Variants in ANKHD1 observed in about 807,000 individuals in gnomAD.
The protein encoded by ANKHD1 is ankyrin repeat and KH domain-containing protein 1.
A neutral mutation model predicts 230.5 loss-of-function variants in ANKHD1; 31 were observed. The ratio of observed to expected loss-of-function variants is 0.13; its 90% CI spans 0.10 to 0.18. ANKHD1 has a LOEUF of 0.18. Among genes scored for constraint, ANKHD1 ranks in the 10% least tolerant of loss-of-function variants. The pLI is 1.00. For synonymous variants in ANKHD1, 1,074 were observed against 1,117.6 expected (o/e 0.96, Z 0.78); for missense variants, 2,256 against 3,071.3 (o/e 0.73, Z 6.27).
At chr5:140,494,126 A>G (rs987892296) in intron 14 of ANKHD1, among the ~76,000 whole-genome samples, 3 of 152,224 alleles carry the variant, frequency 2.0e-5, no homozygotes, top group African/African-American at 4.8e-5. Context: ...AATTTATTAC[A>G]TGACTGAATA....
chr5:140,477,718 TCTC>T (rs1324027205), intron 10 of ANKHD1, among the ~76,000 whole-genome samples: 15 of 152,134 alleles, frequency 9.9e-5, no homozygotes, highest in Admixed American at 9.8e-4. Context: ...TTCAAGAAAT[TCTC>T]CTGCCTCAGC....
intron 14 of ANKHD1, 136 bp from the exon 15 acceptor site, chr5:140,496,384 C>T: frequency 1.1e-6 from 1 of 885,118 alleles, no homozygotes; most frequent in South Asian, 2.9e-5. Context: ...CATTCTATAA[C>T]ATTAGTTATA....
intron 1 of ANKHD1, among the ~76,000 whole-genome samples, chr5:140,424,014 A>G (rs1772197060): frequency 6.6e-6 from 1 of 152,074 alleles, no homozygotes; most frequent in Non-Finnish European, 1.5e-5. Flanking sequence ...AAAGGATCCA[A>G]ATTCCTTGGT....
chr5:140,426,814 A>T (rs1419165756), intron 1 of ANKHD1, among the ~76,000 whole-genome samples: 2 of 152,214 alleles, frequency 1.3e-5, no homozygotes, highest in African/African-American at 4.8e-5. Flanking sequence ...CACATGTTTC[A>T]GAGAGCATAG....
intron 1 of ANKHD1, among the ~76,000 whole-genome samples, chr5:140,406,447 G>A (rs1235816646): frequency 6.6e-6 from 1 of 151,902 alleles, no homozygotes; most frequent in Non-Finnish European, 1.5e-5. Context: ...ACCCTCTAAG[G>A]ACCTCTTTAT....
intron 23 of ANKHD1, among the ~76,000 whole-genome samples, chr5:140,513,130 A>ACT (rs1164696758): frequency 1.3e-5 from 2 of 152,234 alleles, no homozygotes; most frequent in Non-Finnish European, 2.9e-5. Flanking sequence ...AGTCACAGTG[A>ACT]CTACACTAAG....
intron 24 of ANKHD1, among the ~76,000 whole-genome samples, chr5:140,514,187 TAAA>T (rs141993613): frequency 6.3e-5 from 7 of 111,440 alleles, no homozygotes; most frequent in Admixed American, 9.4e-5. Context: ...CTCTCTCTAT[TAAA>T]AAAAAAAAAA....
chr5:140,506,701 G>A lies in ANKHD1; in HGVS notation c.3409-134G>A, dbSNP rs1752551485. 5.3e-6 allele frequency: 7 copies of A among 1,312,722 alleles called. No individual in the cohort carries two copies. Among genetic ancestry groups the A allele is most frequent in the Non-Finnish European group, 7.2e-6 (7 of 966,368 alleles). 81.3% of individuals were successfully genotyped at this position (1,312,722 alleles called of 1,614,324 possible). The stretch of plus-strand genomic sequence containing the variant: ...TCTAGTGTTGATATTTCAATATTTA[G>A]GGTCTAATGAAATGTAATTAAAATA... On this transcript the variant is annotated intron_variant, in intron 18 of 33. Transcript: ENST00000360839. This position sits in a 1 kb window ranked among gnomAD's most constrained non-coding sequence, Gnocchi z 4.7.
chr5:140,528,793 C>T lies in ANKHD1; in HGVS notation c.5847C>T (p.Val1949=). The part of the protein sequence containing the change: ...SVVAASQQLC[V]TNTRTPSSVR... ...TTGCTGCCAGTCAGCAACTGTGTGT[C>T]ACTAATACCCGGACTCCTTCATCAG... Residue 1949 remains valine (V), a synonymous_variant, in exon 29 of 34, where the codon GTC becomes GTT. Coordinates refer to ENST00000360839, the MANE Select transcript of ANKHD1 (RefSeq NM_017747.3). 6.2e-7 allele frequency: 1 copy of T among 1,614,120 alleles called. No individual in the cohort carries two copies. The highest frequency in any genetic ancestry group is 8.5e-7 in the Non-Finnish European group (1 of 1,180,044).
intron 1 of ANKHD1, among the ~76,000 whole-genome samples, chr5:140,427,686 A>G (rs867029042): frequency 3.0e-4 from 34 of 113,858 alleles, no homozygotes; most frequent in East Asian, 6.6e-4. Flanking sequence ...GCGGCCGGCC[A>G]GGCAGAGGGG....
intron 1 of ANKHD1, among the ~76,000 whole-genome samples, chr5:140,415,820 G>A (rs543363116): frequency 8.0e-5 from 12 of 149,734 alleles, no homozygotes; most frequent in Admixed American, 2.7e-4. Flanking sequence ...TAAGTTCTAG[G>A]GTACATGTGC....
At chr5:140,439,376 T>C (rs1247897217) in intron 3 of ANKHD1, among the ~76,000 whole-genome samples, 1 of 152,040 alleles carries the variant, frequency 6.6e-6, no homozygotes, top group Non-Finnish European at 1.5e-5. Flanking sequence ...ACACATAAAA[T>C]ACAAACACTA....
chr5:140,487,137 T>TA, intron 14 of ANKHD1, 77 bp downstream of exon 14: 1 of 1,438,082 alleles, frequency 7.0e-7, no homozygotes, highest in Non-Finnish European at 9.3e-7. Flanking sequence ...ACTTTAATGA[T>TA]ACAGAGTTAC....
At chr5:140,440,540 G>A (rs1488379180) in intron 4 of ANKHD1, among the ~76,000 whole-genome samples, 2 of 152,054 alleles carry the variant, frequency 1.3e-5, no homozygotes, top group African/African-American at 2.4e-5. Context: ...TTTTAAATTT[G>A]TCCTTTGAAA....
At position 140,497,212 on chromosome 5, in the gene ANKHD1, C is replaced by G. The variant is rs1752072238; in HGVS notation, c.2938C>G (p.Pro980Ala). ...TGATCAGGGGCTGTTAGTTCAAGAA[C>G]CAGATGGACTAATGGTTGCAACTCC... ...GHDQGLLVQE[P>A]DGLMVATPAQ... is the part of the protein sequence containing the mutation. Residue 980 changes from proline (P) to alanine (A), a missense_variant, in exon 15 of 34, where the codon CCA (proline) becomes GCA (alanine). Pro to Ala is a conservative substitution (Grantham distance 27). Coordinates refer to ENST00000360839, the MANE Select transcript of ANKHD1 (RefSeq NM_017747.3). The G allele has an allele frequency of 6.2e-7, 1 of 1,611,524 alleles. No individual in the cohort carries two copies. The highest frequency in any genetic ancestry group is 8.5e-7 in the Non-Finnish European group (1 of 1,179,980).
At position 140,510,081 on chromosome 5, in the gene ANKHD1, G is replaced by A. The variant is rs1451431412; in HGVS notation, c.4004G>A (p.Gly1335Glu). Residue 1335 changes from glycine (G) to glutamate (E), a missense_variant, in exon 22 of 34, where the codon GGA (glycine) becomes GAA (glutamate). Physicochemically the swap from Gly to Glu is moderately conservative, Grantham distance 98. This residue lies in a region of ANKHD1 where 195 missense variants were observed against 340.3 expected (regional missense o/e 0.57). Coordinates refer to ENST00000360839, the MANE Select transcript of ANKHD1 (RefSeq NM_017747.3). ...GNTPLWLASN[G>E]GHFDVVQLLV... ...ACGCCACTTTGGCTGGCATCCAATG[G>A]AGGTCATTTTGATGTTGTGCAGTTG... The A allele has an allele frequency of 1.2e-6, 2 of 1,613,988 alleles. No homozygotes were observed. Among genetic ancestry groups the A allele is most frequent in the Admixed American group, 3.3e-5 (2 of 59,982 alleles).
At chr5:140,423,293 C>A (rs1485232297) in intron 1 of ANKHD1, among the ~76,000 whole-genome samples, 1 of 152,084 alleles carries the variant, frequency 6.6e-6, no homozygotes, top group Non-Finnish European at 1.5e-5. Flanking sequence ...AATTGCATCA[C>A]CTCATTTAAT....
intron 4 of ANKHD1, among the ~76,000 whole-genome samples, 156 bp downstream of exon 4, chr5:140,440,422 AAC>A (rs1321584673): frequency 6.6e-6 from 1 of 152,212 alleles, no homozygotes; most frequent in African/African-American, 2.4e-5. Flanking sequence ...AGAAACAGAT[AAC>A]ACAGTTTATT....
At chr5:140,452,105 A>G (rs1183287616) in intron 7 of ANKHD1, among the ~76,000 whole-genome samples, 2 of 152,172 alleles carry the variant, frequency 1.3e-5, no homozygotes, top group Admixed American at 6.6e-5. Context: ...TCCCACACCC[A>G]CGGAGCCTCC....
Sources: gnomAD v4.1 joint callset for allele counts (sites outside exome capture counted in the v4.1 genomes callset) on GRCh38, gnomAD v4.1.1 for gene constraint, gnomAD v4.1.1 regional missense constraint, Gnocchi (gnomAD v3.1) non-coding constraint, MANE v1.5 for transcripts, NCBI Gene and HGNC (gene_info 2026-07-23, HGNC 2026-07-21) for gene names.